Variants in FAM168A observed in about 807,000 individuals in gnomAD.
FAM168A encodes the protein family with sequence similarity 168 member A.
In FAM168A, 3 loss-of-function variants were observed where a neutral mutation model predicts 28.5. The ratio of observed to expected loss-of-function variants is 0.11; its 90% CI spans 0.05 to 0.27. FAM168A has a LOEUF of 0.27. Ranked by LOEUF, FAM168A falls within the 10% of genes least tolerant of loss-of-function variation. FAM168A has a pLI of 1.00. For synonymous variants in FAM168A, 122 were observed against 124.2 expected (o/e 0.98, Z 0.12); for missense variants, 222 against 311.5 (o/e 0.71, Z 2.16).
intron 1 of FAM168A, among the ~76,000 whole-genome samples, chr11:73,563,028 T>C (rs1943977220): frequency 6.6e-6 from 1 of 152,194 alleles, no homozygotes. Context: ...GCTACTACTC[T>C]CTGTATCTTT....
At chr11:73,565,353 C>A (rs1299161645) in intron 1 of FAM168A, among the ~76,000 whole-genome samples, 1 of 152,114 alleles carries the variant, frequency 6.6e-6, no homozygotes, top group Non-Finnish European at 1.5e-5. Flanking sequence ...AAATTGAGAC[C>A]ACATTATAAG....
At chr11:73,548,784 G>T (rs1239040520) in intron 1 of FAM168A, among the ~76,000 whole-genome samples, 1 of 152,050 alleles carries the variant, frequency 6.6e-6, no homozygotes, top group East Asian at 1.9e-4. Flanking sequence ...GGGACTACAG[G>T]TGTGCGCCAC....
chr11:73,451,717 A>G (rs1044246241), intron 2 of FAM168A, among the ~76,000 whole-genome samples: 5 of 152,240 alleles, frequency 3.3e-5, no homozygotes, highest in African/African-American at 1.2e-4. Flanking sequence ...AGGCTATACC[A>G]CATAGCCAAG....
chr11:73,419,766 A>ATT, intron 4 of FAM168A, 108 bp downstream of exon 4: 1 of 1,404,726 alleles, frequency 7.1e-7, no homozygotes, highest in Non-Finnish European at 9.7e-7. Context: ...CTCTTAAAAC[A>ATT]TTATTTATCT....
At chr11:73,536,020 T>C (rs1481510366) in intron 1 of FAM168A, among the ~76,000 whole-genome samples, 3 of 152,152 alleles carry the variant, frequency 2.0e-5, no homozygotes, top group Non-Finnish European at 2.9e-5. Context: ...CTAATTTTTC[T>C]ATTTTTTGCA....
At chr11:73,479,663 C>T (rs1867941411) in intron 1 of FAM168A, among the ~76,000 whole-genome samples, 1 of 152,186 alleles carries the variant, frequency 6.6e-6, no homozygotes, top group African/African-American at 2.4e-5. Flanking sequence ...GCTCTCTACA[C>T]TTCTATGTTA....
chr11:73,576,375 G>A (rs1944175444), intron 1 of FAM168A, among the ~76,000 whole-genome samples: 1 of 152,198 alleles, frequency 6.6e-6, no homozygotes, highest in African/African-American at 2.4e-5. Context: ...TTATTTCCAT[G>A]AGAATAAAAT....
At chr11:73,522,881 C>T (rs1035393661) in intron 1 of FAM168A, among the ~76,000 whole-genome samples, 2 of 151,730 alleles carry the variant, frequency 1.3e-5, no homozygotes, top group African/African-American at 4.8e-5. Flanking sequence ...GGCATAGTGG[C>T]GGGCATCTGT....
intron 1 of FAM168A, among the ~76,000 whole-genome samples, chr11:73,503,335 C>G (rs1040606217): frequency 2.6e-5 from 4 of 152,174 alleles, no homozygotes; most frequent in Non-Finnish European, 4.4e-5. Context: ...GCAAAAATCA[C>G]AAGCATTCCT....
chr11:73,413,759 G>A (rs1159281056), intron 4 of FAM168A, among the ~76,000 whole-genome samples: 1 of 152,146 alleles, frequency 6.6e-6, no homozygotes. Context: ...CCATGACCCT[G>A]AGAAGTTTTT....
At chr11:73,452,585 G>C (rs1242794216) in intron 2 of FAM168A, among the ~76,000 whole-genome samples, 2 of 152,080 alleles carry the variant, frequency 1.3e-5, no homozygotes, top group Non-Finnish European at 2.9e-5. Flanking sequence ...AAGAGAAGGA[G>C]GCCTGTTCTC....
chr11:73,429,712 G>A (rs1269932575), intron 3 of FAM168A, among the ~76,000 whole-genome samples: 1 of 152,170 alleles, frequency 6.6e-6, no homozygotes, highest in East Asian at 1.9e-4. Flanking sequence ...GCAGACCGTT[G>A]TTCCCTCCTC....
Position 73,425,058 on chromosome 11 carries a change from AG to A in FAM168A, c.152-5060del, listed in dbSNP as rs1365856058. ...TGCAGGAACTGAAACTCTGTTGGAT[AG>A]AAATGTTAGTTGAAATTACCACTAA... On this transcript the variant is annotated intron_variant, in intron 3 of 7. Coordinates refer to ENST00000356467, the MANE Select transcript of FAM168A (RefSeq NM_015159.3). 7 of 1,526,240 alleles carry A rather than the reference AG, an allele frequency of 4.6e-6. No homozygotes were observed. The East Asian group carries it at 1.7e-4, about 37-fold the overall frequency. 94.5% of individuals were successfully genotyped at this position (1,526,240 alleles called of 1,614,324 possible).
intron 6 of FAM168A, 57 bp downstream of exon 6, chr11:73,409,430 C>T: frequency 6.2e-7 from 1 of 1,603,024 alleles, no homozygotes; most frequent in East Asian, 2.2e-5. Context: ...GTGTTCTCTG[C>T]TCCGTTTTGA....
At chr11:73,577,893 G>A (rs559472916) in intron 1 of FAM168A, among the ~76,000 whole-genome samples, 8 of 152,330 alleles carry the variant, frequency 5.3e-5, no homozygotes, top group East Asian at 1.9e-4. Context: ...GCAACAGAAC[G>A]TCCCTTAGGG....
In FAM168A at chr11:73,496,723, G is replaced by C. The variant is rs546115873; in HGVS notation, c.-18-28231C>G. Among the ~76,000 whole-genome samples, 5 of 152,214 alleles carry C rather than the reference G, an allele frequency of 3.3e-5. No homozygotes were observed. The South Asian group carries it at 1.0e-3, about 32-fold the overall frequency. ...CTACAGGCGCCCACCACCATGCCCG[G>C]CTAATTTTTTGTATTTTTAGTAGAG... On this transcript the variant is annotated intron_variant, in intron 1 of 7. Transcript: ENST00000356467.
intron 1 of FAM168A, among the ~76,000 whole-genome samples, chr11:73,515,273 G>A (rs770402583): frequency 1.3e-5 from 2 of 152,136 alleles, no homozygotes; most frequent in Non-Finnish European, 2.9e-5. Context: ...ACTTTAGGAG[G>A]CCAAGGCAGG....
At chr11:73,563,947 A>C (rs1455638808) in intron 1 of FAM168A, among the ~76,000 whole-genome samples, 1 of 152,308 alleles carries the variant, frequency 6.6e-6, no homozygotes, top group East Asian at 1.9e-4. Context: ...GTGGAGGCTC[A>C]ATTCAGAGCT....
chr11:73,585,570 C>G (rs896481011), intron 1 of FAM168A, among the ~76,000 whole-genome samples: 1 of 152,026 alleles, frequency 6.6e-6, no homozygotes, highest in Non-Finnish European at 1.5e-5. Flanking sequence ...CATTTATCAT[C>G]AAGAAGACTG....
Sources: gnomAD v4.1 joint callset for allele counts (sites outside exome capture counted in the v4.1 genomes callset) on GRCh38, gnomAD v4.1.1 for gene constraint, MANE v1.5 for transcripts, NCBI Gene and HGNC (gene_info 2026-07-23, HGNC 2026-07-21) for gene names.